The following GSE1 variants were observed in gnomAD, a reference collection of about 807,000 sequenced individuals.
GSE1 encodes the protein Gse1 coiled-coil protein.
A neutral mutation model predicts 112.6 loss-of-function variants in GSE1; 32 were observed. That is an observed-to-expected ratio of 0.28 (90% CI 0.21 to 0.38). The LOEUF (loss-of-function observed/expected upper bound fraction) is 0.38, where lower values mean the gene tolerates loss of function less well. GSE1 is among the 10% of genes least tolerant of loss of function. The pLI is 1.00. For missense variants in GSE1, 2,348 were observed against 1,699.2 expected, an observed-to-expected ratio of 1.38 and a Z score of -6.71; for synonymous variants, 1,115 against 735.6, an observed-to-expected ratio of 1.52 and a Z score of -8.35.
At chr16:85,441,642 G>A (rs865998135) in intron 2 of GSE1, among the ~76,000 whole-genome samples, 10 of 151,782 alleles carry the variant, frequency 6.6e-5, no homozygotes, top group African/African-American at 1.9e-4. Context: ...GTGAGACTCC[G>A]TCTCAAAACA....
At chr16:85,509,032 G>C (rs1186906809) in intron 2 of GSE1, among the ~76,000 whole-genome samples, 1 of 152,210 alleles carries the variant, frequency 6.6e-6, no homozygotes, top group Non-Finnish European at 1.5e-5. Context: ...CAGGGAGAGG[G>C]ACTTGAACCA....
intron 1 of GSE1, among the ~76,000 whole-genome samples, chr16:85,266,421 G>C (rs1047884832): frequency 2.0e-5 from 3 of 152,204 alleles, no homozygotes; most frequent in Admixed American, 1.3e-4. Context: ...AACTGGACAG[G>C]GATGGCACCG....
intron 2 of GSE1, among the ~76,000 whole-genome samples, chr16:85,488,881 G>T (rs118191908): frequency 0.014 from 2,118 of 152,174 alleles, 19 homozygotes; most frequent in Middle Eastern, 0.051. Flanking sequence ...AACAGCAGAA[G>T]ACCCCCCCAT....
At chr16:85,643,185 G>A (rs1376961193) in intron 2 of GSE1, among the ~76,000 whole-genome samples, 3 of 152,202 alleles carry the variant, frequency 2.0e-5, no homozygotes, top group East Asian at 3.9e-4. Flanking sequence ...CAGAGGTGAC[G>A]CGGACACGGG....
chr16:85,350,750 T>A (rs1400639792), intron 1 of GSE1, among the ~76,000 whole-genome samples: 1 of 152,212 alleles, frequency 6.6e-6, no homozygotes, highest in Non-Finnish European at 1.5e-5. Flanking sequence ...CCTCCGTCAT[T>A]CCTCTTGGAG....
intron 1 of GSE1, among the ~76,000 whole-genome samples, chr16:85,589,481 C>A (rs1474885610): frequency 1.3e-5 from 2 of 152,140 alleles, no homozygotes; most frequent in African/African-American, 4.8e-5. Context: ...ATGGCGGGAA[C>A]CTGGTGGGTT....
At chr16:85,482,286 T>G (rs2050704233) in intron 2 of GSE1, among the ~76,000 whole-genome samples, 1 of 152,226 alleles carries the variant, frequency 6.6e-6, no homozygotes, top group African/African-American at 2.4e-5. Context: ...CTCGGATGTG[T>G]GCCCAGTCCT....
At chr16:85,513,087 ACTCTG>A in intron 2 of GSE1, among the ~76,000 whole-genome samples, 1 of 151,614 alleles carries the variant, frequency 6.6e-6, no homozygotes, top group South Asian at 2.1e-4. Flanking sequence ...CGTCTCCATC[ACTCTG>A]CTCTGTGGTC....
chr16:85,668,393 C>G lies in GSE1; in HGVS notation c.3384C>G (p.Ala1128=), dbSNP rs114447804. The G allele has an allele frequency of 5.0e-5, 80 of 1,610,712 alleles. No individual in the cohort carries two copies. Among genetic ancestry groups the G allele is most frequent in the Non-Finnish European group, 6.5e-5 (77 of 1,179,416 alleles). The part of the protein sequence containing the change: ...VPKRKWQGIE[A]VFEAYQEHIE... ...AGCGCAAGTGGCAAGGGATCGAGGCCGTTTTTGAAGCTTACCAGGAACACA... is the reference window on the plus strand; with the variant it reads ...AGCGCAAGTGGCAAGGGATCGAGGCGGTTTTTGAAGCTTACCAGGAACACA... The change falls in exon 14 of 16, where the codon GCC becomes GCG. Residue 1128 remains alanine (A), a synonymous_variant. Coordinates refer to ENST00000253458, the MANE Select transcript of GSE1 (RefSeq NM_014615.5).
chr16:85,611,592 C>G, upstream of GSE1: 1 of 583,092 alleles, frequency 1.7e-6, no homozygotes, highest in Non-Finnish European at 2.2e-6. Flanking sequence ...CGTTTGTGGT[C>G]TGCCCGGAGC....
intron 2 of GSE1, among the ~76,000 whole-genome samples, chr16:85,362,666 C>G (rs2047106179): frequency 6.6e-6 from 1 of 152,150 alleles, no homozygotes; most frequent in African/African-American, 2.4e-5. Context: ...GCACACTGCA[C>G]AACTCCCGGA....
intron 2 of GSE1, among the ~76,000 whole-genome samples, chr16:85,530,705 C>A (rs1262571219): frequency 6.6e-6 from 1 of 152,234 alleles, no homozygotes; most frequent in East Asian, 1.9e-4. Flanking sequence ...ACAGAGCACC[C>A]AGCCGGGGAA....
At chr16:85,409,211 C>A (rs572477117) in intron 2 of GSE1, among the ~76,000 whole-genome samples, 2 of 44,436 alleles carry the variant, frequency 4.5e-5, no homozygotes, top group Non-Finnish European at 4.3e-5. Context: ...CACTCAGGGC[C>A]CCCCGGATAA....
intron 1 of GSE1, among the ~76,000 whole-genome samples, chr16:85,631,668 C>A (rs1218912601): frequency 1.3e-5 from 2 of 152,258 alleles, no homozygotes; most frequent in African/African-American, 4.8e-5. Context: ...GGGTGCCCCA[C>A]AGGCTCTGAA....
chr16:85,668,002 C>G (rs966932676), intron 13 of GSE1, 138 bp from the exon 14 acceptor site: 4 of 676,894 alleles, frequency 5.9e-6, no homozygotes, highest in Middle Eastern at 4.3e-4. Context: ...TCCCTCCTCT[C>G]TACGCGATGT....
At chr16:85,508,808 T>G (rs1300036289) in intron 2 of GSE1, among the ~76,000 whole-genome samples, 2 of 152,204 alleles carry the variant, frequency 1.3e-5, no homozygotes, top group African/African-American at 2.4e-5. Context: ...TCCTTGAACT[T>G]CACATCCAGG....
At chr16:85,210,740 C>T (rs1309761083) in intron 1 of GSE1, among the ~76,000 whole-genome samples, 2 of 152,152 alleles carry the variant, frequency 1.3e-5, no homozygotes, top group South Asian at 2.1e-4. Flanking sequence ...GATTAGGTGA[C>T]GGGGGTGCCA....
At chr16:85,409,275 T>C (rs1465135972) in intron 2 of GSE1, among the ~76,000 whole-genome samples, 18 of 23,646 alleles carry the variant, frequency 7.6e-4, no homozygotes, top group Admixed American at 2.9e-3. Flanking sequence ...GCACTCAGGG[T>C]CCCTCTGATA....
intron 1 of GSE1, among the ~76,000 whole-genome samples, chr16:85,275,511 A>G (rs74031766): frequency 0.013 from 2,020 of 152,308 alleles, 41 homozygotes; most frequent in African/African-American, 0.046. Context: ...TCACTCGACA[A>G]GCCACCGAGT....
Sources: allele counts gnomAD v4.1 joint callset (sites outside exome capture counted in the v4.1 genomes callset), GRCh38; gene constraint gnomAD v4.1.1; transcripts MANE v1.5; gene names NCBI Gene and HGNC (gene_info 2026-07-23, HGNC 2026-07-21).